ZMYM2: variants seen among roughly 807,000 people sequenced by gnomAD.
ZMYM2 encodes zinc finger MYM-type protein 2.
A neutral mutation model predicts 162.8 loss-of-function variants in ZMYM2; 56 were observed. The observed-to-expected ratio is 0.34, with a 90% confidence interval of 0.28 to 0.43. The LOEUF is 0.43. Ranked by LOEUF, ZMYM2 falls within the 20% of genes least tolerant of loss-of-function variation. The probability of loss-of-function intolerance (pLI) is 1.00; values close to 1 mark genes in which losing one functional copy is unlikely to be tolerated. For synonymous variants in ZMYM2, 510 were observed against 541.6 expected, an observed-to-expected ratio of 0.94 and a Z score of 0.81; for missense variants, 1,275 against 1,621.8, an observed-to-expected ratio of 0.79 and a Z score of 3.67.
chr13:20,051,649 C>T (rs1955358205), intron 13 of ZMYM2, 51 bp downstream of exon 13: 17 of 1,516,414 alleles, frequency 1.1e-5, no homozygotes, highest in South Asian at 1.0e-4. Context: ...TCAGTCTTTA[C>T]GTAGTTTTGA....
intron 23 of ZMYM2, 95 bp from the exon 24 acceptor site, chr13:20,083,561 T>C: frequency 1.0e-6 from 1 of 969,106 alleles, no homozygotes. Flanking sequence ...AAGGGGCACC[T>C]GGTCCTATTC....
the ZMYM2 span, among the ~76,000 whole-genome samples, chr13:19,940,369 T>A: frequency 9.2e-5 from 14 of 152,192 alleles, no homozygotes; most frequent in African/African-American, 3.1e-4. Flanking sequence ...GCAAACTCTT[T>A]CCCATAGTTT....
intron 2 of ZMYM2, among the ~76,000 whole-genome samples, chr13:19,984,472 A>G (rs574568168): frequency 6.6e-6 from 1 of 152,346 alleles, no homozygotes; most frequent in South Asian, 2.1e-4. Context: ...TTTCACATCC[A>G]GTTATACCTT....
At position 19,974,494 on chromosome 13, in the gene ZMYM2, GAGAC is replaced by G. The variant is rs1451860328; in HGVS notation, c.-11+14473_-11+14476del. 4.3e-5 allele frequency among the ~76,000 whole-genome samples: 5 copies of G among 115,876 alleles called. No individual in the cohort carries two copies. The East Asian group carries it at 1.0e-3, about 23-fold the overall frequency. 76.0% of individuals were successfully genotyped at this position (115,876 alleles called of 152,430 possible). A position where few individuals can be genotyped will look rare whatever the true frequency, so the allele number is the denominator to read the frequency against. ...ATCCTTCTACTTTTTTTTTTTTTTT[GAGAC>G]AGACTCTTGCTCTGTTGCCCAGGCT... On this transcript the variant is annotated intron_variant, in intron 2 of 24. Coordinates refer to ENST00000610343, the MANE Select transcript of ZMYM2 (RefSeq NM_197968.4).
chr13:19,976,305 C>G (rs959911903), intron 2 of ZMYM2, among the ~76,000 whole-genome samples: 1 of 144,626 alleles, frequency 6.9e-6, no homozygotes, highest in Non-Finnish European at 1.5e-5. Flanking sequence ...TCCAGCCTGG[C>G]GACAGAGTGA....
At chr13:19,997,250 G>A (rs1460339627) in intron 3 of ZMYM2, among the ~76,000 whole-genome samples, 1 of 151,962 alleles carries the variant, frequency 6.6e-6, no homozygotes, top group Non-Finnish European at 1.5e-5. Flanking sequence ...TCCCATATTT[G>A]GCTTTTGCAT....
chr13:19,970,513 T>TG (rs1024151137), intron 2 of ZMYM2, among the ~76,000 whole-genome samples: 10 of 148,044 alleles, frequency 6.8e-5, no homozygotes, highest in African/African-American at 2.0e-4. Context: ...GAAATGGGCT[T>TG]GGGGGTGAAG....
intron 2 of ZMYM2, among the ~76,000 whole-genome samples, chr13:19,976,704 C>T (rs1257795045): frequency 6.6e-6 from 1 of 152,180 alleles, no homozygotes; most frequent in Admixed American, 6.6e-5. Flanking sequence ...AGCATGATGT[C>T]CTCATGGTTC....
At chr13:20,031,127 T>A (rs1464075182) in intron 9 of ZMYM2, among the ~76,000 whole-genome samples, 192 bp from the exon 10 acceptor site, 1 of 152,014 alleles carries the variant, frequency 6.6e-6, no homozygotes, top group African/African-American at 2.4e-5. Flanking sequence ...AAATTAAATT[T>A]AATTTCAATT....
Position 19,993,768 on chromosome 13 carries a change from G to A in ZMYM2, c.696G>A (p.Leu232=), listed in dbSNP as rs904731726. The change falls in exon 3 of 25, where the codon CTG becomes CTA. Residue 232 remains leucine (L), a synonymous_variant. Coordinates refer to ENST00000610343, the MANE Select transcript of ZMYM2 (RefSeq NM_197968.4). ...ACTTGGGAGATGTCTCTAACGGACTGCAGTCAAGTAATTTTGGTGTTAATA... is the reference window on the plus strand; with the variant it reads ...ACTTGGGAGATGTCTCTAACGGACTACAGTCAAGTAATTTTGGTGTTAATA... ...NTNLGDVSNG[L]QSSNFGVNIQ... 6.2e-7 allele frequency: 1 copy of A among 1,614,140 alleles called. No individual in the cohort carries two copies. Among genetic ancestry groups the A allele is most frequent in the Non-Finnish European group, 8.5e-7 (1 of 1,180,008 alleles).
chr13:20,053,580 A>G (rs1955547710), intron 14 of ZMYM2, among the ~76,000 whole-genome samples: 1 of 152,136 alleles, frequency 6.6e-6, no homozygotes, highest in African/African-American at 2.4e-5. Context: ...TGAACCCGGG[A>G]GGCAGAGGTT....
chr13:19,985,146 C>G (rs534637866), intron 2 of ZMYM2, among the ~76,000 whole-genome samples: 15 of 152,066 alleles, frequency 9.9e-5, no homozygotes, highest in Admixed American at 7.2e-4. Context: ...GTTGTTGAGA[C>G]GGGGTTTCAC....
In ZMYM2 at chr13:20,035,230, T is replaced by C. The variant is rs572723541; in HGVS notation, c.2119+826T>C. On this transcript the variant is annotated intron_variant, in intron 11 of 24. Coordinates refer to ENST00000610343, the MANE Select transcript of ZMYM2 (RefSeq NM_197968.4). ...GAGAAAGGTGGGAAAATCCTAAATG[T>C]CAGCAGTAGAGAATGACAGCAAAAT... Among the ~76,000 whole-genome samples the C allele has an allele frequency of 2.6e-5, 4 of 152,332 alleles. No individual in the cohort carries two copies. In the East Asian group the frequency reaches 7.7e-4, roughly 29 times the overall value.
chr13:20,076,990 C>T lies in ZMYM2; in HGVS notation c.3454-5026C>T, dbSNP rs536896516. 2.0e-5 allele frequency among the ~76,000 whole-genome samples: 3 copies of T among 150,366 alleles called. 1 individual carries two copies. Among genetic ancestry groups the T allele is most frequent in the African/African-American group, 7.5e-5 (3 of 39,746 alleles). On this transcript the variant is annotated intron_variant, in intron 21 of 24. Coordinates refer to ENST00000610343, the MANE Select transcript of ZMYM2 (RefSeq NM_197968.4). ...ACCTGGGACTACAGGCCACCATGCC[C>T]AGCTAATTTTTGTGTTTTTAGTAGA...
the ZMYM2 span, among the ~76,000 whole-genome samples, chr13:19,904,958 G>T: frequency 6.6e-6 from 1 of 151,492 alleles, no homozygotes; most frequent in Non-Finnish European, 1.5e-5. Flanking sequence ...TTTGGCCATA[G>T]TGAATAATGC....
At chr13:19,884,075 A>T in the ZMYM2 span, among the ~76,000 whole-genome samples, 1 of 152,188 alleles carries the variant, frequency 6.6e-6, no homozygotes, top group Non-Finnish European at 1.5e-5. Context: ...AAAATTCTTT[A>T]AAAGTTAAGT....
At chr13:19,877,230 A>C in the ZMYM2 span, among the ~76,000 whole-genome samples, 1 of 144,060 alleles carries the variant, frequency 6.9e-6, no homozygotes, top group South Asian at 2.3e-4. Context: ...AAAAAAAAAC[A>C]AAGAAGTTTA....
intron 4 of ZMYM2, among the ~76,000 whole-genome samples, chr13:20,003,995 G>T (rs966936526): frequency 6.6e-6 from 1 of 152,056 alleles, no homozygotes; most frequent in African/African-American, 2.4e-5. Context: ...AAAATAGCTG[G>T]AATATGGTAT....
intron 6 of ZMYM2, among the ~76,000 whole-genome samples, chr13:20,012,321 A>C (rs1241302630): frequency 2.6e-5 from 4 of 152,062 alleles, no homozygotes; most frequent in African/African-American, 9.7e-5. Flanking sequence ...GACTATAGGC[A>C]TAGGCCACCA....
Sources: allele counts gnomAD v4.1 joint callset (sites outside exome capture counted in the v4.1 genomes callset), GRCh38; gene constraint gnomAD v4.1.1; transcripts MANE v1.5; gene names NCBI Gene and HGNC (gene_info 2026-07-23, HGNC 2026-07-21).